The following TTLL5 variants were observed in gnomAD, a reference collection of about 807,000 sequenced individuals.
TTLL5 encodes the protein tubulin tyrosine ligase like 5, also known as tubulin polyglutamylase TTLL5.
TTLL5 carries 132 observed loss-of-function variants against 168.4 expected under a neutral mutation model. The ratio of observed to expected loss-of-function variants is 0.78; its 90% confidence interval spans 0.68 to 0.91. The LOEUF is 0.91. TTLL5 is among the 40% of genes least tolerant of loss of function. The pLI is 0.00. For synonymous variants in TTLL5, 546 were observed against 558.6 expected (o/e 0.98, Z 0.32); for missense variants, 1,545 against 1,581.5 (o/e 0.98, Z 0.39).
At chr14:75,904,782 C>T (rs897643095) in intron 31 of TTLL5, among the ~76,000 whole-genome samples, 3 of 152,120 alleles carry the variant, frequency 2.0e-5, no homozygotes, top group Non-Finnish European at 2.9e-5. Context: ...AGGCTCTGGG[C>T]CTCTGAACTT....
chr14:75,813,546 A>T (rs938501849), intron 27 of TTLL5, among the ~76,000 whole-genome samples: 1 of 151,970 alleles, frequency 6.6e-6, no homozygotes, highest in South Asian at 2.1e-4. Context: ...CCAACGATCC[A>T]CATGCTTTGG....
In TTLL5 at chr14:75,687,364, C is replaced by T. The variant is rs545984376; in HGVS notation, c.372-2828C>T. Among the ~76,000 whole-genome samples the T allele has an allele frequency of 3.1e-4, 47 of 152,254 alleles. 1 individual carries two copies. The South Asian group carries it at 9.7e-3, about 32-fold the overall frequency. Reference sequence around the variant, plus strand: ...TCTTGGTTCACTGCAACCTCTGCCTCCTGGGTTCAAGCGATTCTCCTGCCT... The same window carrying T: ...TCTTGGTTCACTGCAACCTCTGCCTTCTGGGTTCAAGCGATTCTCCTGCCT... On this transcript the variant is annotated intron_variant, in intron 5 of 31. Coordinates refer to ENST00000298832, the MANE Select transcript of TTLL5 (RefSeq NM_015072.5).
rs1261281488 is a variant in TTLL5, at chr14:75,779,674, C to A, written c.2487C>A (p.Asn829Lys). The A allele has an allele frequency of 1.2e-6, 2 of 1,613,166 alleles. No homozygotes were observed. Among genetic ancestry groups the A allele is most frequent in the Admixed American group, 3.3e-5 (2 of 59,770 alleles). Reference sequence around the variant, plus strand: ...ACTCTAAAATTTCTAAGAACAACAACAATTATTCTGATAGTGGGGCAAAAG... The same window carrying A: ...ACTCTAAAATTTCTAAGAACAACAAAAATTATTCTGATAGTGGGGCAAAAG... ...GTHSKISKNN[N>K]NYSDSGAKGD... Residue 829 changes from asparagine (N) to lysine (K), a missense_variant, in exon 24 of 32, where the codon AAC becomes AAA. Asn to Lys is a moderately conservative substitution (Grantham distance 94). Coordinates refer to ENST00000298832, the MANE Select transcript of TTLL5 (RefSeq NM_015072.5).
chr14:75,863,812 C>CA lies in TTLL5; in HGVS notation c.3477dup (p.Leu1160ThrfsTer25). 6.3e-7 allele frequency: 1 copy of CA among 1,584,092 alleles called. No homozygotes were observed. Among genetic ancestry groups the CA allele is most frequent in the Non-Finnish European group, 8.6e-7 (1 of 1,161,980 alleles). On this transcript the variant is annotated frameshift_variant, in exon 29 of 32. Coordinates refer to ENST00000298832, the MANE Select transcript of TTLL5 (RefSeq NM_015072.5). LOFTEE classifies it high-confidence loss of function. ...ATTTGCCCTGCAGCAACTTGAACAA[C>CA]AAAAACTTCAGTCCCGGCAGCTCCT... is the stretch of plus-strand genomic sequence containing the variant.
intron 6 of TTLL5, among the ~76,000 whole-genome samples, chr14:75,698,139 G>C (rs1027604118): frequency 2.0e-5 from 3 of 152,144 alleles, no homozygotes; most frequent in Admixed American, 6.5e-5. Context: ...CTCCAGTCTG[G>C]GATGTGAGAA....
chr14:75,805,542 G>GA lies in TTLL5; in HGVS notation c.3171+12442_3171+12443insA, dbSNP rs573095035. Among the ~76,000 whole-genome samples, 503 of 152,114 alleles carry GA rather than the reference G, an allele frequency of 3.3e-3. 3 individuals are homozygous for GA. The highest frequency in any genetic ancestry group is 0.011 in the African/African-American group (470 of 41,482). On this transcript the variant is annotated intron_variant, in intron 27 of 31. Coordinates refer to ENST00000298832, the MANE Select transcript of TTLL5 (RefSeq NM_015072.5). ...TTCCTTTTCCTGTGATTTCATCCTG[G>GA]TACTTCTCTATGGATTTCTCCCAAG...
At chr14:75,697,490 G>A (rs761181541) in intron 6 of TTLL5, among the ~76,000 whole-genome samples, 1 of 152,238 alleles carries the variant, frequency 6.6e-6, no homozygotes, top group East Asian at 1.9e-4. Flanking sequence ...GGGGGAGAGT[G>A]GACAAAAGAT....
rs1429154598 is a variant in TTLL5 at position 75,661,362 on chromosome 14, C to G, written c.-121C>G. 1 of 152,220 alleles carries G rather than the reference C, an allele frequency of 6.6e-6. No homozygotes were observed. The highest frequency in any genetic ancestry group is 1.5e-5 in the Non-Finnish European group (1 of 68,130). 9.4% of individuals were successfully genotyped at this position (152,220 alleles called of 1,614,324 possible). On this transcript the variant is annotated 5_prime_UTR_variant, in exon 1 of 32. Coordinates refer to ENST00000298832, the MANE Select transcript of TTLL5 (RefSeq NM_015072.5). ...GCAGAGCGCGGTCCACGCCTGCTCG[C>G]CCCGAACCATGGGAAGATGAGACAG...
At chr14:75,939,266 T>C (rs2034524535) in intron 31 of TTLL5, among the ~76,000 whole-genome samples, 1 of 152,234 alleles carries the variant, frequency 6.6e-6, no homozygotes, top group Admixed American at 6.5e-5. Flanking sequence ...GGGAATTTTA[T>C]TTAAGTCATA....
At chr14:75,922,598 A>T (rs2033865817) in intron 31 of TTLL5, among the ~76,000 whole-genome samples, 1 of 152,184 alleles carries the variant, frequency 6.6e-6, no homozygotes, top group African/African-American at 2.4e-5. Context: ...CATGGTGGAT[A>T]AGCTTTTTGA....
Position 75,838,080 on chromosome 14 carries a change from T to A in TTLL5, c.3326+17919T>A, listed in dbSNP as rs888900244. On this transcript the variant is annotated intron_variant, in intron 28 of 31. Coordinates refer to ENST00000298832, the MANE Select transcript of TTLL5 (RefSeq NM_015072.5). ...GGATAGTATGTTAATTGTGTTTTTT[T>A]AAATTAATTATTCACTTTATTTTTC... The A allele has an allele frequency of 9.9e-5, 15 of 152,220 alleles. 1 individual carries two copies. Among genetic ancestry groups the A allele is most frequent in the South Asian group, 4.1e-4 (2 of 4,826 alleles). The allele number at this position is 152,220 out of a possible 1,614,324, so 9.4% of individuals were successfully genotyped here.
At chr14:75,925,591 C>G (rs1434195030) in intron 31 of TTLL5, among the ~76,000 whole-genome samples, 1 of 151,178 alleles carries the variant, frequency 6.6e-6, no homozygotes, top group African/African-American at 2.4e-5. Flanking sequence ...AGAGGGTCTC[C>G]TCACGTCCCA....
intron 28 of TTLL5, among the ~76,000 whole-genome samples, chr14:75,830,476 A>G (rs576766788): frequency 1.3e-4 from 20 of 152,240 alleles, no homozygotes; most frequent in Non-Finnish European, 2.1e-4. Context: ...AAGGTAAAGC[A>G]TGTGTTAATT....
intron 18 of TTLL5, among the ~76,000 whole-genome samples, chr14:75,755,266 C>CAAAA (rs747937754): frequency 3.4e-5 from 1 of 29,350 alleles, no homozygotes; most frequent in Non-Finnish European, 9.4e-5. Context: ...ACTCTGTCTC[C>CAAAA]AAAAATAATA....
At chr14:75,890,399 C>A (rs924002019) in intron 30 of TTLL5, among the ~76,000 whole-genome samples, 2 of 152,094 alleles carry the variant, frequency 1.3e-5, no homozygotes, top group Non-Finnish European at 2.9e-5. Flanking sequence ...AGAAAATAAA[C>A]ATACTTCTGC....
chr14:75,796,151 G>A (rs993213875), intron 27 of TTLL5, among the ~76,000 whole-genome samples: 1 of 152,142 alleles, frequency 6.6e-6, no homozygotes, highest in Non-Finnish European at 1.5e-5. Context: ...GTATTGCATT[G>A]TGGTTTTGAT....
At chr14:75,930,538 T>C in intron 31 of TTLL5, 1 of 926,782 alleles carries the variant, frequency 1.1e-6, no homozygotes, top group Non-Finnish European at 1.3e-6. Context: ...CACAAGCATT[T>C]TGAATAAAGG....
intron 21 of TTLL5, among the ~76,000 whole-genome samples, chr14:75,774,206 G>A (rs1215062416): frequency 6.6e-6 from 1 of 151,996 alleles, no homozygotes; most frequent in Non-Finnish European, 1.5e-5. Context: ...ACATCTTTAA[G>A]GCTCTTGGCC....
intron 28 of TTLL5, among the ~76,000 whole-genome samples, chr14:75,840,802 A>G (rs1483874564): frequency 6.6e-6 from 1 of 152,108 alleles, no homozygotes; most frequent in Non-Finnish European, 1.5e-5. Flanking sequence ...TTTTTCTGTT[A>G]TTTACCTTCT....
Sources: gnomAD v4.1 joint callset for allele counts (sites outside exome capture counted in the v4.1 genomes callset) on GRCh38, gnomAD v4.1.1 for gene constraint, MANE v1.5 for transcripts, NCBI Gene and HGNC (gene_info 2026-07-23, HGNC 2026-07-21) for gene names.